Variants in SIRT5 observed in about 807,000 individuals in gnomAD.
SIRT5 encodes the protein sirtuin 5, also known as NAD-dependent protein deacylase sirtuin-5, mitochondrial.
A neutral mutation model predicts 40.0 loss-of-function variants in SIRT5; 26 were observed. That is an observed-to-expected ratio of 0.65 (90% CI 0.48 to 0.90). The LOEUF is 0.90. SIRT5 is among the 40% of genes least tolerant of loss of function. SIRT5 has a pLI of 0.00. For missense variants in SIRT5, 401 were observed against 402.4 expected (o/e 1.00, Z 0.03); for synonymous variants, 146 against 149.1 (o/e 0.98, Z 0.15).
chr6:13,581,537 T>G (rs757789104), intron 2 of SIRT5, among the ~76,000 whole-genome samples: 7 of 152,250 alleles, frequency 4.6e-5, no homozygotes, highest in Non-Finnish European at 1.0e-4. Context: ...CCAGCTTTTC[T>G]ACTATAGAGT....
At position 13,595,521 on chromosome 6, in the gene SIRT5, G is replaced by A. The variant is rs772778064; in HGVS notation, c.520G>A (p.Glu174Lys). ...TRCTSCGVVA[E>K]NYKSPICPAL... ...ATGTACCTCTTGTGGAGTTGTGGCT[G>A]AGAATTACAAGAGTCCAATTTGTCC... The change falls in exon 6 of 10, where the codon GAG (glutamate) becomes AAG (lysine). Residue 174 changes from glutamate to lysine, a missense_variant. Coordinates refer to ENST00000606117, the MANE Select transcript of SIRT5 (RefSeq NM_012241.5). 6.2e-7 allele frequency: 1 copy of A among 1,614,132 alleles called. No homozygotes were observed. The highest frequency in any genetic ancestry group is 1.7e-5 in the Admixed American group (1 of 60,028).
chr6:13,597,031 C>CT lies in SIRT5; in HGVS notation c.617+16dup. 1 of 1,595,152 alleles carries CT rather than the reference C, an allele frequency of 6.3e-7. No individual in the cohort carries two copies. Among genetic ancestry groups the CT allele is most frequent in the Non-Finnish European group, 8.6e-7 (1 of 1,168,516 alleles). On this transcript the variant is annotated intron_variant, in intron 7 of 9. Coordinates refer to ENST00000606117, the MANE Select transcript of SIRT5 (RefSeq NM_012241.5). ...AAACTTCCCCGGTAGGTAGAAAACT[C>CT]TGATTTGTACTGGTGTTCCAGGTTA...
At chr6:13,575,091 C>G (rs1159888089) in intron 1 of SIRT5, among the ~76,000 whole-genome samples, 1 of 152,068 alleles carries the variant, frequency 6.6e-6, no homozygotes, top group Non-Finnish European at 1.5e-5. Flanking sequence ...CGAGTAGTAG[C>G]CGGGAGGATG....
intron 8 of SIRT5, 79 bp from the exon 9 acceptor site, chr6:13,600,755 T>C (rs1424546552): frequency 8.8e-7 from 1 of 1,136,678 alleles, no homozygotes; most frequent in East Asian, 2.7e-5. Context: ...CTGCCTGAGT[T>C]TGTGTAAGGT....
chr6:13,598,916 A>AGAGGCATCAGAGGT (rs1761985098), intron 7 of SIRT5, 116 bp from the exon 8 acceptor site: 1 of 1,190,504 alleles, frequency 8.4e-7, no homozygotes, highest in Non-Finnish European at 1.2e-6. Flanking sequence ...GTAGGGAATA[A>AGAGGCATCAGAGGT]GAGGCATCAG....
intron 1 of SIRT5, among the ~76,000 whole-genome samples, chr6:13,578,403 G>A (rs1758890810): frequency 1.3e-5 from 2 of 151,998 alleles, no homozygotes; most frequent in South Asian, 4.1e-4. Context: ...GGCGGATCAC[G>A]AGGTCAGGAG....
At chr6:13,591,029 C>G (rs1289743468) in intron 4 of SIRT5, among the ~76,000 whole-genome samples, 1 of 148,010 alleles carries the variant, frequency 6.8e-6, no homozygotes, top group Non-Finnish European at 1.5e-5. Context: ...GTGTGTGTAT[C>G]TTTAGTGTGT....
rs76198501 is a variant in SIRT5 at position 13,584,075 on chromosome 6, G to A, written c.-35-1G>A. 1.3e-5 allele frequency: 20 copies of A among 1,483,340 alleles called. No homozygotes were observed. The Admixed American group carries it at 1.9e-4, about 14-fold the overall frequency. 91.9% of individuals were successfully genotyped at this position (1,483,340 alleles called of 1,614,324 possible). On this transcript the variant is annotated splice_acceptor_variant, in intron 2 of 9. Coordinates refer to ENST00000606117, the MANE Select transcript of SIRT5 (RefSeq NM_012241.5). LOFTEE classifies it low-confidence loss of function (5UTR_SPLICE). ...TATTTGTTTTTGTGATTTTTCTAAA[G>A]CCCGCCTCAAGCATTAGAACTACAG...
chr6:13,602,203 T>A (rs1762481936), intron 9 of SIRT5, among the ~76,000 whole-genome samples: 1 of 152,198 alleles, frequency 6.6e-6, no homozygotes, highest in Non-Finnish European at 1.5e-5. Flanking sequence ...TCAGTCCCTA[T>A]CAAAATCACA....
intron 9 of SIRT5, among the ~76,000 whole-genome samples, chr6:13,609,137 A>T (rs1353666801): frequency 6.6e-6 from 1 of 152,194 alleles, no homozygotes; most frequent in Non-Finnish European, 1.5e-5. Flanking sequence ...ATATATCCTT[A>T]ATAGATGAAT....
In SIRT5 at chr6:13,598,123, A is replaced by C. The variant is rs763443413; in HGVS notation, c.618-909A>C. ...CCACAGAACCTTTTAAATTTTCCTCATGAGGGTTTTAATTGCTAAATATTA... is the reference window on the plus strand; with the variant it reads ...CCACAGAACCTTTTAAATTTTCCTCCTGAGGGTTTTAATTGCTAAATATTA... On this transcript the variant is annotated intron_variant, in intron 7 of 9. Transcript: ENST00000606117. 1.1e-4 allele frequency among the ~76,000 whole-genome samples: 16 copies of C among 152,268 alleles called. No homozygotes were observed. The South Asian group carries it at 2.5e-3, about 24-fold the overall frequency.
chr6:13,580,243 A>G (rs1402982583), intron 2 of SIRT5, among the ~76,000 whole-genome samples: 2 of 152,182 alleles, frequency 1.3e-5, no homozygotes, highest in Non-Finnish European at 1.5e-5. Context: ...ATCTTCTTCT[A>G]CAGTCTTTTT....
chr6:13,583,561 T>A (rs1759660167), intron 2 of SIRT5, among the ~76,000 whole-genome samples: 2 of 152,144 alleles, frequency 1.3e-5, no homozygotes, highest in African/African-American at 4.8e-5. Flanking sequence ...CCCAAAGTGG[T>A]GGGATTATAG....
chr6:13,580,554 T>C lies in SIRT5; in HGVS notation c.-36+945T>C, dbSNP rs138083520. Among the ~76,000 whole-genome samples, 418 of 152,314 alleles carry C rather than the reference T, an allele frequency of 2.7e-3. 3 individuals carry two copies. The highest frequency in any genetic ancestry group is 9.5e-3 in the African/African-American group (394 of 41,566). On this transcript the variant is annotated intron_variant, in intron 2 of 9. Transcript: ENST00000606117. Reference sequence around the variant, plus strand: ...TGGTCTCAAAAACTATGTAGCCTTTTGTATCTGGCTTCTTTCACTTAGCAT... The same window carrying C: ...TGGTCTCAAAAACTATGTAGCCTTTCGTATCTGGCTTCTTTCACTTAGCAT...
chr6:13,604,450 G>T, intron 9 of SIRT5: 2 of 1,372,902 alleles, frequency 1.5e-6, no homozygotes, highest in Non-Finnish European at 2.1e-6. Flanking sequence ...CCCCAGTTTG[G>T]TTCTTCTAAT....
At position 13,591,783 on chromosome 6, in the gene SIRT5, G is replaced by A; in HGVS notation, c.364G>A (p.Ala122Thr). The A allele has an allele frequency of 1.2e-6, 2 of 1,614,162 alleles. No homozygotes were observed. The highest frequency in any genetic ancestry group is 2.2e-5 in the South Asian group (2 of 91,078). The change falls in exon 5 of 10, where the codon GCC becomes ACC. Residue 122 changes from alanine (A) to threonine (T), a missense_variant. By Grantham distance (58) the Ala-to-Thr change is moderately conservative. Coordinates refer to ENST00000606117, the MANE Select transcript of SIRT5 (RefSeq NM_012241.5). Reference protein sequence around the residue: ...KEPNAGHRAIAECETRLGKQG... With the variant: ...KEPNAGHRAITECETRLGKQG... ...GCCCAACGCCGGGCACCGCGCCATAGCCGAGTGTGAGACCCGGCTGGGCAA... is the reference window on the plus strand; with the variant it reads ...GCCCAACGCCGGGCACCGCGCCATAACCGAGTGTGAGACCCGGCTGGGCAA...
chr6:13,588,342 T>G lies in SIRT5; in HGVS notation c.127T>G (p.Phe43Val). The G allele has an allele frequency of 6.2e-7, 1 of 1,613,784 alleles. No individual in the cohort carries two copies. ...TTCACTCTGTTTAGGTATGGCAGAT[T>G]TTCGAAAGTTTTTTGCAAAAGCAAA... ...MARPSSSMAD[F>V]RKFFAKAKHI... Residue 43 changes from phenylalanine (F) to valine (V), a missense_variant, in exon 4 of 10, where the codon TTT becomes GTT. Coordinates refer to ENST00000606117, the MANE Select transcript of SIRT5 (RefSeq NM_012241.5).
At chr6:13,605,684 T>A (rs1458045641) in intron 9 of SIRT5, 7 of 985,494 alleles carry the variant, frequency 7.1e-6, no homozygotes, top group Non-Finnish European at 8.4e-6. Flanking sequence ...TTATATTGGA[T>A]GATTTCTGAT....
rs75135274 is a variant in SIRT5 at position 13,586,813 on chromosome 6, G to A, written c.116-1518G>A. On this transcript the variant is annotated intron_variant, in intron 3 of 9. Coordinates refer to ENST00000606117, the MANE Select transcript of SIRT5 (RefSeq NM_012241.5). Reference sequence around the variant, plus strand: ...ATGAGGATGAGTAAGTTCCATCCCTGCTTAGAGGGAGTCAACCATACATGA... The same window carrying A: ...ATGAGGATGAGTAAGTTCCATCCCTACTTAGAGGGAGTCAACCATACATGA... Among the ~76,000 whole-genome samples the A allele has an allele frequency of 7.6e-3, 1,164 of 152,276 alleles. 7 individuals carry two copies. Among genetic ancestry groups the A allele is most frequent in the African/African-American group, 0.026 (1,080 of 41,552 alleles).
Sources: allele counts gnomAD v4.1 joint callset (sites outside exome capture counted in the v4.1 genomes callset), GRCh38; gene constraint gnomAD v4.1.1; transcripts MANE v1.5; gene names NCBI Gene and HGNC (gene_info 2026-07-23, HGNC 2026-07-21).